Variants in ITPR2 observed in about 807,000 individuals in gnomAD.
ITPR2 encodes the protein inositol 1,4,5-trisphosphate-gated calcium channel ITPR2.
A neutral mutation model predicts 317.1 loss-of-function variants in ITPR2; 207 were observed. The ratio of observed to expected loss-of-function variants is 0.65; its 90% confidence interval spans 0.58 to 0.73. The LOEUF (loss-of-function observed/expected upper bound fraction) is 0.73. Ranked by LOEUF, ITPR2 falls within the 30% of genes least tolerant of loss-of-function variation. ITPR2 has a pLI of 0.00. For synonymous variants in ITPR2, 1,156 were observed against 1,149.1 expected, an observed-to-expected ratio of 1.01 and a Z score of -0.12; for missense variants, 2,613 against 3,284.0, an observed-to-expected ratio of 0.80 and a Z score of 4.99.
chr12:26,618,771 CCA>C (rs1348790562), intron 26 of ITPR2, among the ~76,000 whole-genome samples: 1 of 152,168 alleles, frequency 6.6e-6, no homozygotes, highest in Non-Finnish European at 1.5e-5. Flanking sequence ...AAATGTCCAT[CCA>C]CAGCTAACTG....
chr12:26,618,598 T>G (rs780079531), intron 26 of ITPR2, among the ~76,000 whole-genome samples: 11 of 152,200 alleles, frequency 7.2e-5, no homozygotes, highest in Non-Finnish European at 1.6e-4. Context: ...GGAAAACAAC[T>G]GGCATTGTCT....
chr12:26,537,071 C>G (rs559423317), intron 37 of ITPR2, among the ~76,000 whole-genome samples: 1 of 151,620 alleles, frequency 6.6e-6, no homozygotes, highest in Non-Finnish European at 1.5e-5. Context: ...CTGGAGGGAC[C>G]GCTTAGAGAA....
chr12:26,760,488 A>AATCAGTTTGACTCTATTAT (rs145035529), intron 2 of ITPR2, among the ~76,000 whole-genome samples: 121,037 of 152,070 alleles, frequency 0.8, 48,512 homozygotes, highest in East Asian at 0.97. Context: ...TCTAAGTACA[A>AATCAGTTTGACTCTATTAT]ACCCCAAGGC....
At chr12:26,790,260 T>A in intron 1 of ITPR2, 33 bp from the exon 2 acceptor site, 1 of 1,531,822 alleles carries the variant, frequency 6.5e-7, no homozygotes, top group Middle Eastern at 1.7e-4. Context: ...ATTGTTAACA[T>A]CCTTGTCATA....
intron 2 of ITPR2, among the ~76,000 whole-genome samples, chr12:26,738,816 T>A (rs1271415688): frequency 3.9e-5 from 6 of 152,188 alleles, no homozygotes; most frequent in African/African-American, 1.4e-4. Flanking sequence ...TAAAAATGTA[T>A]CATGTCCTTT....
At chr12:26,631,581 C>T (rs1052461309) in intron 22 of ITPR2, among the ~76,000 whole-genome samples, 4 of 152,066 alleles carry the variant, frequency 2.6e-5, no homozygotes, top group Non-Finnish European at 5.9e-5. Flanking sequence ...AGGGACAATA[C>T]TAATTTTTTT....
intron 37 of ITPR2, among the ~76,000 whole-genome samples, chr12:26,547,593 C>T (rs923803541): frequency 2.0e-5 from 3 of 152,226 alleles, no homozygotes; most frequent in African/African-American, 7.2e-5. Context: ...AAAGGGATAC[C>T]TGCACTCACA....
intron 23 of ITPR2, among the ~76,000 whole-genome samples, chr12:26,624,994 CT>C (rs1946587682): frequency 1.3e-5 from 2 of 151,896 alleles, no homozygotes; most frequent in African/African-American, 4.8e-5. Context: ...CAATGGAGTA[CT>C]ATTCAGCCAT....
rs566154914 is a variant in ITPR2, at chr12:26,659,123, G to A, written c.1876C>T (p.Arg626Trp). 2.5e-5 allele frequency: 40 copies of A among 1,611,396 alleles called. No individual in the cohort carries two copies. Among genetic ancestry groups the A allele is most frequent in the East Asian group, 1.6e-4 (7 of 44,766 alleles). The change falls in exon 16 of 57, where the codon CGG (arginine) becomes TGG (tryptophan). Residue 626 changes from arginine to tryptophan, a missense_variant. By Grantham distance (101) the Arg-to-Trp change is moderately radical (BLOSUM62 -3). Coordinates refer to ENST00000381340, the MANE Select transcript of ITPR2 (RefSeq NM_002223.4). ...ETFVSLLRRN[R>W]EPRFLDYLSD... ...TGAATCATTTCAAACCTTGGCTCCC[G>A]ATTTCTCCTGAGTAAACTGACAAAT...
At chr12:26,466,795 T>C (rs1276635964) in intron 45 of ITPR2, among the ~76,000 whole-genome samples, 2 of 152,218 alleles carry the variant, frequency 1.3e-5, no homozygotes, top group Non-Finnish European at 2.9e-5. Context: ...ATAGCTAAAC[T>C]GTTTGCATAA....
chr12:26,753,752 C>T (rs1418580774), intron 2 of ITPR2, among the ~76,000 whole-genome samples: 2 of 152,144 alleles, frequency 1.3e-5, no homozygotes, highest in African/African-American at 4.8e-5. Context: ...AAGAGAGGTA[C>T]ATTAGGACAA....
chr12:26,367,093 T>C (rs1418180396), intron 55 of ITPR2, among the ~76,000 whole-genome samples: 2 of 152,210 alleles, frequency 1.3e-5, no homozygotes, highest in Non-Finnish European at 2.9e-5. Flanking sequence ...CCATTATATG[T>C]AGATTGGATA....
intron 34 of ITPR2, among the ~76,000 whole-genome samples, chr12:26,570,174 G>C (rs1025252924): frequency 4.6e-5 from 7 of 152,100 alleles, no homozygotes; most frequent in Non-Finnish European, 8.8e-5. Flanking sequence ...ATTCTGCTTT[G>C]TTATTTCTGT....
intron 36 of ITPR2, among the ~76,000 whole-genome samples, chr12:26,555,617 CTA>C (rs1944641993): frequency 1.3e-5 from 2 of 152,192 alleles, no homozygotes; most frequent in South Asian, 4.1e-4. Flanking sequence ...AACATATCAG[CTA>C]TAATAGATCT....
intron 26 of ITPR2, among the ~76,000 whole-genome samples, chr12:26,613,404 TA>T (rs535354056): frequency 1.4e-4 from 22 of 152,150 alleles, no homozygotes; most frequent in Non-Finnish European, 2.9e-4. Context: ...AAATGATTGA[TA>T]AAATATTTAA....
At chr12:26,347,393 A>T (rs1243343695) in intron 55 of ITPR2, among the ~76,000 whole-genome samples, 4 of 152,160 alleles carry the variant, frequency 2.6e-5, no homozygotes, top group Non-Finnish European at 1.5e-5. Flanking sequence ...AATGTATCCT[A>T]CTTGTGGGCT....
intron 26 of ITPR2, among the ~76,000 whole-genome samples, chr12:26,605,966 G>A (rs1946119994): frequency 6.6e-6 from 1 of 152,136 alleles, no homozygotes; most frequent in South Asian, 2.1e-4. Context: ...TAATTCTGAT[G>A]CCAAAATGGT....
At chr12:26,507,863 C>G (rs12816579) in intron 37 of ITPR2, among the ~76,000 whole-genome samples, 26,360 of 131,486 alleles carry the variant, frequency 0.2, 2,687 homozygotes, top group Non-Finnish European at 0.26. Flanking sequence ...CTCTCTGTCT[C>G]TGTGTGTGTG....
At chr12:26,505,729 A>G (rs1007366923) in intron 37 of ITPR2, among the ~76,000 whole-genome samples, 2 of 152,062 alleles carry the variant, frequency 1.3e-5, no homozygotes, top group African/African-American at 4.8e-5. Flanking sequence ...TGATTCCAAC[A>G]CCTAGCCCCA....
Sources: allele counts gnomAD v4.1 joint callset (sites outside exome capture counted in the v4.1 genomes callset), GRCh38; gene constraint gnomAD v4.1.1; transcripts MANE v1.5; gene names NCBI Gene and HGNC (gene_info 2026-07-23, HGNC 2026-07-21).